Variants in TDRD9 observed in about 807,000 individuals in gnomAD.
The protein encoded by TDRD9 is ATP-dependent RNA helicase TDRD9.
TDRD9 carries 124 observed loss-of-function variants against 172.6 expected under a neutral mutation model. The ratio of observed to expected loss-of-function variants is 0.72; its 90% CI spans 0.62 to 0.83. The LOEUF is 0.83. Ranked by LOEUF, TDRD9 falls within the 40% of genes least tolerant of loss-of-function variation. The pLI is 0.00. For missense variants in TDRD9, 1,479 were observed against 1,714.1 expected, an observed-to-expected ratio of 0.86 and a Z score of 2.42; for synonymous variants, 619 against 617.1, an observed-to-expected ratio of 1.00 and a Z score of -0.05.
chr14:103,943,352 C>A (rs1243160259), intron 1 of TDRD9, among the ~76,000 whole-genome samples: 1 of 151,108 alleles, frequency 6.6e-6, no homozygotes, highest in African/African-American at 2.4e-5. Flanking sequence ...TATGTACATA[C>A]ATATATGTTT....
At chr14:103,998,463 C>T (rs11625697) in intron 12 of TDRD9, among the ~76,000 whole-genome samples, 161 bp from the exon 13 acceptor site, 36,950 of 152,034 alleles carry the variant, frequency 0.24, 5,041 homozygotes, top group South Asian at 0.44. Flanking sequence ...AGCAACTCCC[C>T]ATCCTGGGCG....
intron 22 of TDRD9, among the ~76,000 whole-genome samples, chr14:104,016,487 AC>A (rs1157600235): frequency 3.3e-5 from 5 of 152,182 alleles, no homozygotes; most frequent in African/African-American, 1.2e-4. Context: ...TGACCCCCCG[AC>A]CTGGATGCCC....
chr14:104,015,777 GT>G (rs1429423477), intron 21 of TDRD9, among the ~76,000 whole-genome samples: 1 of 152,142 alleles, frequency 6.6e-6, no homozygotes, highest in Non-Finnish European at 1.5e-5. Context: ...TGAAAAAAGT[GT>G]TTATTTTTTA....
intron 1 of TDRD9, chr14:103,941,217 G>A: frequency 9.9e-7 from 1 of 1,009,968 alleles, no homozygotes; most frequent in Non-Finnish European, 1.4e-6. Flanking sequence ...TGAGTATTTT[G>A]CATGTTGTTT....
chr14:104,013,050 A>G (rs879655483), intron 20 of TDRD9, among the ~76,000 whole-genome samples: 2 of 152,200 alleles, frequency 1.3e-5, no homozygotes, highest in Non-Finnish European at 2.9e-5. Flanking sequence ...AGAGGCGAGC[A>G]TCTGAGTGTG....
intron 13 of TDRD9, among the ~76,000 whole-genome samples, chr14:103,999,183 T>C (rs1362862421): frequency 6.6e-6 from 1 of 152,244 alleles, no homozygotes; most frequent in Non-Finnish European, 1.5e-5. Flanking sequence ...TAGCAATGGC[T>C]TCTCATATTG....
chr14:104,043,889 T>C (rs1951813162), intron 34 of TDRD9, among the ~76,000 whole-genome samples: 1 of 152,196 alleles, frequency 6.6e-6, no homozygotes. Context: ...CTCTCTGCTG[T>C]CTGAGAACAG....
At chr14:104,034,839 G>A (rs898719268) in intron 31 of TDRD9, 121 bp from the exon 32 acceptor site, 57 of 683,830 alleles carry the variant, frequency 8.3e-5, no homozygotes, top group Non-Finnish European at 1.3e-4. Flanking sequence ...GGGCCTGTGG[G>A]GACTGGACAG....
chr14:104,030,370 T>C (rs1299583541), intron 28 of TDRD9, among the ~76,000 whole-genome samples: 1 of 152,064 alleles, frequency 6.6e-6, no homozygotes, highest in Non-Finnish European at 1.5e-5. Context: ...TGGGCACCTG[T>C]AATCATACTA....
intron 1 of TDRD9, among the ~76,000 whole-genome samples, chr14:103,929,986 T>C (rs998828307): frequency 6.6e-6 from 1 of 152,178 alleles, no homozygotes; most frequent in Non-Finnish European, 1.5e-5. Context: ...TTGATTTGGG[T>C]GGAAATAAAA....
chr14:103,961,443 A>T (rs2032504244), intron 2 of TDRD9, among the ~76,000 whole-genome samples: 1 of 152,040 alleles, frequency 6.6e-6, no homozygotes, highest in Non-Finnish European at 1.5e-5. Context: ...GGCACCTGTA[A>T]TCCCAGCTAC....
intron 2 of TDRD9, among the ~76,000 whole-genome samples, chr14:103,960,943 A>G (rs1354530912): frequency 1.3e-5 from 2 of 152,184 alleles, no homozygotes; most frequent in African/African-American, 2.4e-5. Context: ...TCGTCTTTCT[A>G]AAAGAATCTT....
At chr14:104,034,736 C>T (rs1485810847) in intron 31 of TDRD9, among the ~76,000 whole-genome samples, 3 of 152,138 alleles carry the variant, frequency 2.0e-5, no homozygotes, top group African/African-American at 7.2e-5. Context: ...GAGTTATCCC[C>T]AAGTGGGGTA....
At chr14:104,006,343 T>A in intron 15 of TDRD9, 46 bp from the exon 16 acceptor site, 1 of 1,529,308 alleles carries the variant, frequency 6.5e-7, no homozygotes, top group East Asian at 2.3e-5. Flanking sequence ...GGAAGAAGTA[T>A]GAGTAAGTCA....
At chr14:103,987,652 G>GT (rs1384079015) in intron 8 of TDRD9, among the ~76,000 whole-genome samples, 2 of 152,078 alleles carry the variant, frequency 1.3e-5, no homozygotes, top group African/African-American at 4.8e-5. Flanking sequence ...ATTTATGGAG[G>GT]TTTGTTGCAT....
intron 13 of TDRD9, among the ~76,000 whole-genome samples, chr14:104,002,956 C>G (rs2034311860): frequency 1.3e-5 from 2 of 152,082 alleles, no homozygotes. Flanking sequence ...GTCTCCATCT[C>G]TTTACCTCGT....
intron 2 of TDRD9, among the ~76,000 whole-genome samples, chr14:103,958,123 A>G (rs1184869963): frequency 1.3e-5 from 2 of 152,204 alleles, no homozygotes; most frequent in African/African-American, 4.8e-5. Flanking sequence ...ATCATTGTAG[A>G]GATGATCATT....
rs74087002 is a variant in TDRD9, at chr14:104,011,620, C to T, written c.2107-3105C>T. 6.8e-3 allele frequency among the ~76,000 whole-genome samples: 1,042 copies of T among 152,144 alleles called. 11 individuals are homozygous for T. Among genetic ancestry groups the T allele is most frequent in the African/African-American group, 0.024 (998 of 41,496 alleles). ...TTCTGGAGTCATTTTTGATGAGTTA[C>T]GTTTTTTCATTCAGGTACCCATTTA... On this transcript the variant is annotated intron_variant, in intron 20 of 35. Transcript: ENST00000409874.
chr14:104,006,583 G>A (rs1454968971), intron 16 of TDRD9, 29 bp downstream of exon 16: 6 of 1,611,650 alleles, frequency 3.7e-6, no homozygotes, highest in Non-Finnish European at 4.2e-6. Context: ...AAATGCTAAT[G>A]GGAAGTTTAT....
Sources: allele counts gnomAD v4.1 joint callset (sites outside exome capture counted in the v4.1 genomes callset), GRCh38; gene constraint gnomAD v4.1.1; transcripts MANE v1.5; gene names NCBI Gene and HGNC (gene_info 2026-07-23, HGNC 2026-07-21).